The following API5 variants were observed in gnomAD, a reference collection of about 807,000 sequenced individuals.
API5 encodes the protein apoptosis inhibitor 5, also known as FIF.
API5 carries 6 observed loss-of-function variants against 71.9 expected under a neutral mutation model. That is an observed-to-expected ratio of 0.08 (90% CI 0.05 to 0.16). API5 has a LOEUF of 0.16. API5 is among the 10% of genes least tolerant of loss of function. API5 has a pLI of 1.00. For missense variants in API5, 332 were observed against 612.8 expected (o/e 0.54, Z 4.84); for synonymous variants, 189 against 221.3 (o/e 0.85, Z 1.30).
intron 13 of API5, among the ~76,000 whole-genome samples, chr11:43,339,740 TGTGAGTCCAGTTGC>T (rs1855552398): frequency 6.6e-6 from 1 of 152,248 alleles, no homozygotes; most frequent in South Asian, 2.1e-4. Flanking sequence ...TCTACATTTG[TGTGAGTCCAGTTGC>T]GTGAAATACT....
At chr11:43,333,910 A>G (rs1855342500) in intron 11 of API5, among the ~76,000 whole-genome samples, 1 of 152,158 alleles carries the variant, frequency 6.6e-6, no homozygotes, top group Non-Finnish European at 1.5e-5. Context: ...ATTTTTACAT[A>G]CCTAATACAG....
chr11:43,321,817 T>G (rs930599294), intron 4 of API5, among the ~76,000 whole-genome samples, 168 bp from the exon 5 acceptor site: 5 of 152,206 alleles, frequency 3.3e-5, no homozygotes, highest in Non-Finnish European at 7.3e-5. Flanking sequence ...GAAAGCACTC[T>G]TATGGTTCAG....
intron 1 of API5, 62 bp downstream of exon 1, chr11:43,312,258 C>A: frequency 1.9e-6 from 3 of 1,548,140 alleles, no homozygotes; most frequent in Non-Finnish European, 2.7e-6. Context: ...GAAAGCGCTT[C>A]CCGCCGCACT....
intron 13 of API5, among the ~76,000 whole-genome samples, chr11:43,336,644 A>AT (rs1855442643): frequency 1.3e-5 from 2 of 151,990 alleles, no homozygotes; most frequent in South Asian, 4.1e-4. Flanking sequence ...TCATTGGCTT[A>AT]TTTCCTCATG....
In API5 at chr11:43,322,025, G is replaced by A. The variant is rs1469129251; in HGVS notation, c.432G>A (p.Glu144=). The A allele has an allele frequency of 1.2e-6, 2 of 1,613,202 alleles. No individual in the cohort carries two copies. The highest frequency in any genetic ancestry group is 2.7e-5 in the African/African-American group (2 of 74,868). Residue 144 remains glutamate, a synonymous_variant, in exon 5 of 14, where the codon GAG becomes GAA. Transcript: ENST00000531273. ...GGLFSQILQG[E]DIVRERAIKF... is the part of the protein sequence containing the mutation. Reference sequence around the variant, plus strand: ...TGTTCAGCCAAATACTTCAAGGAGAGGACATTGTTAGAGAACGAGCAATTA... The same window carrying A: ...TGTTCAGCCAAATACTTCAAGGAGAAGACATTGTTAGAGAACGAGCAATTA...
At chr11:43,333,908 A>T (rs553734360) in intron 11 of API5, among the ~76,000 whole-genome samples, 1 of 152,198 alleles carries the variant, frequency 6.6e-6, no homozygotes, top group East Asian at 1.9e-4. Context: ...TTATTTTTAC[A>T]TACCTAATAC....
intron 2 of API5, 81 bp from the exon 3 acceptor site, chr11:43,320,740 A>G: frequency 7.8e-7 from 1 of 1,276,750 alleles, no homozygotes; most frequent in Non-Finnish European, 1.1e-6. Context: ...TTAAAAAAAA[A>G]AAAAAGAAAG....
chr11:43,334,315 T>C (rs1477450160), intron 11 of API5, among the ~76,000 whole-genome samples: 2 of 152,180 alleles, frequency 1.3e-5, no homozygotes, highest in African/African-American at 4.8e-5. Context: ...AGATTTAACA[T>C]GTTTATAATT....
chr11:43,332,886 C>T (rs1565110143), intron 11 of API5, among the ~76,000 whole-genome samples: 1 of 152,092 alleles, frequency 6.6e-6, no homozygotes, highest in Non-Finnish European at 1.5e-5. Context: ...GCAGTCAGCT[C>T]CCCCATCCTG....
At chr11:43,313,192 A>C (rs769526938) in intron 1 of API5, among the ~76,000 whole-genome samples, 9 of 152,006 alleles carry the variant, frequency 5.9e-5, no homozygotes, top group Non-Finnish European at 1.2e-4. Context: ...TGGGCGAAGG[A>C]GAGTGTGAGT....
intron 6 of API5, among the ~76,000 whole-genome samples, chr11:43,323,879 C>T (rs1854978433): frequency 1.3e-5 from 2 of 152,230 alleles, no homozygotes; most frequent in South Asian, 4.1e-4. Flanking sequence ...TTGAGCATCA[C>T]ATTGGTGCTC....
At chr11:43,323,128 C>A (rs1014752771) in intron 5 of API5, among the ~76,000 whole-genome samples, 2 of 151,622 alleles carry the variant, frequency 1.3e-5, no homozygotes, top group African/African-American at 4.9e-5. Flanking sequence ...TAACTGCTCT[C>A]CCATGAAATT....
At chr11:43,328,940 A>C in intron 9 of API5, 47 bp downstream of exon 9, 1 of 1,596,100 alleles carries the variant, frequency 6.3e-7, no homozygotes, top group Non-Finnish European at 8.6e-7. Flanking sequence ...GGTGGTAGCT[A>C]TCCTGAAGTT....
At chr11:43,334,796 A>T (rs1855375476) in intron 11 of API5, among the ~76,000 whole-genome samples, 1 of 152,132 alleles carries the variant, frequency 6.6e-6, no homozygotes, top group South Asian at 2.1e-4. Flanking sequence ...ATGATTAGCC[A>T]GAGTTTTAGT....
In API5 at chr11:43,312,062, C is replaced by A; in HGVS notation, c.-66C>A. On this transcript the variant is annotated 5_prime_UTR_variant, in exon 1 of 14. Transcript: ENST00000531273. ...TGCGGGTAGTGGGTTTGGAGAAGTT[C>A]CGAGGCGGCGGTGGCGCCGGTCAGG... 6.3e-7 allele frequency: 1 copy of A among 1,578,022 alleles called. No individual in the cohort carries two copies. Among genetic ancestry groups the A allele is most frequent in the South Asian group, 1.1e-5 (1 of 89,360 alleles).
chr11:43,332,119 T>A (rs1346204941), intron 11 of API5: 1 of 152,146 alleles, frequency 6.6e-6, no homozygotes, highest in East Asian at 1.9e-4. Flanking sequence ...GAGAGATGAA[T>A]AGGGTCAGCA....
chr11:43,341,176 A>G (rs1165304153), intron 13 of API5, among the ~76,000 whole-genome samples: 1 of 152,194 alleles, frequency 6.6e-6, no homozygotes, highest in Non-Finnish European at 1.5e-5. Context: ...AAAATTCTAA[A>G]CACTAAGCAT....
In API5 at chr11:43,343,965, CAT is replaced by C. The variant is rs1221647071; in HGVS notation, c.*1456_*1457del. On this transcript the variant is annotated 3_prime_UTR_variant, in exon 14 of 14. Transcript: ENST00000531273. ...AAACTCCTTTATTAGAATTACTGCA[CAT>C]GTGTATGGGGAAAATAGTTCTGAAA... is the stretch of plus-strand genomic sequence containing the variant. 1 of 152,580 alleles carries C rather than the reference CAT, an allele frequency of 6.6e-6. No homozygotes were observed. The highest frequency in any genetic ancestry group is 1.5e-5 in the Non-Finnish European group (1 of 68,034). The allele number at this position is 152,580 out of a possible 1,614,324, so 9.5% of individuals were successfully genotyped here.
rs570844204 is a variant in API5 at position 43,312,030 on chromosome 11, G to C, written c.-98G>C. On this transcript the variant is annotated 5_prime_UTR_variant, in exon 1 of 14. Transcript: ENST00000531273. ...GGCTGCACTGGCGGCAGCTGGAGGT[G>C]TAATAGTGCGGGTAGTGGGTTTGGA... is the stretch of plus-strand genomic sequence containing the variant. 1 of 1,372,026 alleles carries C rather than the reference G, an allele frequency of 7.3e-7. No individual in the cohort carries two copies. The highest frequency in any genetic ancestry group is 2.4e-5 in the East Asian group (1 of 41,356). 85.0% of individuals were successfully genotyped at this position (1,372,026 alleles called of 1,614,324 possible).
Sources: allele counts gnomAD v4.1 joint callset (sites outside exome capture counted in the v4.1 genomes callset), GRCh38; gene constraint gnomAD v4.1.1; transcripts MANE v1.5; gene names NCBI Gene and HGNC (gene_info 2026-07-23, HGNC 2026-07-21).